Variants in PSD3 observed in about 807,000 individuals in gnomAD.
The protein encoded by PSD3 is PH and SEC7 domain-containing protein 3.
Under a neutral mutation model 105.5 loss-of-function variants are expected in PSD3, and 49 were observed. The ratio of observed to expected loss-of-function variants is 0.46; its 90% CI spans 0.37 to 0.59. The LOEUF (loss-of-function observed/expected upper bound fraction) is 0.59. PSD3 is among the 20% of genes least tolerant of loss of function. PSD3 has a pLI of 0.00. For missense variants in PSD3, 1,561 were observed against 1,263.8 expected (o/e 1.24, Z -3.57); for synonymous variants, 557 against 457.8 (o/e 1.22, Z -2.77).
At chr8:18,716,011 C>G (rs998267880) in intron 9 of PSD3, among the ~76,000 whole-genome samples, 10 of 152,108 alleles carry the variant, frequency 6.6e-5, no homozygotes, top group African/African-American at 2.4e-4. Flanking sequence ...GGTGCTTTAA[C>G]GAACAAAAGT....
At chr8:18,801,504 G>T in intron 6 of PSD3, 122 bp from the exon 7 acceptor site, 1 of 594,410 alleles carries the variant, frequency 1.7e-6, no homozygotes, top group Non-Finnish European at 2.9e-6. Context: ...ATATTATGAA[G>T]TTATCTCCCC....
intron 4 of PSD3, among the ~76,000 whole-genome samples, chr8:18,866,739 A>C (rs1563362235): frequency 6.6e-6 from 1 of 152,186 alleles, no homozygotes; most frequent in Non-Finnish European, 1.5e-5. Flanking sequence ...AGACTGCTCA[A>C]AAAGAGAGGT....
chr8:18,649,200 T>C (rs753278910), intron 10 of PSD3, among the ~76,000 whole-genome samples: 22 of 152,066 alleles, frequency 1.4e-4, no homozygotes, highest in Non-Finnish European at 2.5e-4. Context: ...GGAAAAGCCA[T>C]AGGCACTCAA....
intron 4 of PSD3, among the ~76,000 whole-genome samples, chr8:18,826,691 G>A (rs899757127): frequency 3.3e-5 from 5 of 152,312 alleles, no homozygotes; most frequent in South Asian, 2.1e-4. Flanking sequence ...TTTGGCAAAG[G>A]CCCTTTGGAA....
chr8:18,878,922 A>G (rs1817906744), intron 2 of PSD3, among the ~76,000 whole-genome samples: 1 of 152,162 alleles, frequency 6.6e-6, no homozygotes, highest in Non-Finnish European at 1.5e-5. Flanking sequence ...AAACTGCACC[A>G]AAACATATAA....
chr8:19,075,750 G>A (rs188022555), intron 1 of PSD3, among the ~76,000 whole-genome samples: 1 of 152,288 alleles, frequency 6.6e-6, no homozygotes, highest in East Asian at 1.9e-4. Context: ...TATACTGCCA[G>A]TGTTTCATGC....
intron 1 of PSD3, among the ~76,000 whole-genome samples, chr8:19,040,312 C>G (rs972286): frequency 0.11 from 16,706 of 152,114 alleles, 1,002 homozygotes; most frequent in African/African-American, 0.16. Context: ...AAGTGATCTC[C>G]CACCTCAGCC....
chr8:18,706,936 T>A (rs1319688321), intron 9 of PSD3, among the ~76,000 whole-genome samples: 2 of 152,198 alleles, frequency 1.3e-5, no homozygotes, highest in African/African-American at 4.8e-5. Context: ...TTAATTTTTA[T>A]AAGGGAATGA....
chr8:18,560,840 T>A (rs2130195436), intron 14 of PSD3, among the ~76,000 whole-genome samples: 1 of 152,336 alleles, frequency 6.6e-6, no homozygotes, highest in African/African-American at 2.4e-5. Flanking sequence ...CGAAACTTAA[T>A]CCTCATTGTG....
chr8:18,740,717 A>T (rs1804504562), intron 9 of PSD3, among the ~76,000 whole-genome samples: 1 of 152,216 alleles, frequency 6.6e-6, no homozygotes, highest in African/African-American at 2.4e-5. Flanking sequence ...AAATCCCAAA[A>T]GTCACATGGA....
Position 18,600,003 on chromosome 8 carries a change from T to C in PSD3, c.2481+361A>G, listed in dbSNP as rs111936664. 8.9e-3 allele frequency among the ~76,000 whole-genome samples: 1,351 copies of C among 152,230 alleles called. 19 individuals carry two copies. The highest frequency in any genetic ancestry group is 0.031 in the African/African-American group (1,307 of 41,542). On this transcript the variant is annotated intron_variant, in intron 12 of 15. Transcript: ENST00000327040. ...TGTTCTCTGGGGCTAGTAAGTAAAATAAGGGTCACTTGAACACAAACACTG... is the reference window on the plus strand; with the variant it reads ...TGTTCTCTGGGGCTAGTAAGTAAAACAAGGGTCACTTGAACACAAACACTG...
intron 1 of PSD3, among the ~76,000 whole-genome samples, chr8:18,978,016 C>T (rs11784567): frequency 0.011 from 1,696 of 152,304 alleles, 18 homozygotes; most frequent in Non-Finnish European, 0.016. Context: ...GATATCATGA[C>T]GCTAGCAAGG....
chr8:18,589,376 G>C (rs1352349300), intron 12 of PSD3, among the ~76,000 whole-genome samples: 1 of 152,148 alleles, frequency 6.6e-6, no homozygotes, highest in African/African-American at 2.4e-5. Context: ...CATTTACTTT[G>C]TGATCTTTGG....
At chr8:19,063,764 C>T (rs1471954658) in intron 1 of PSD3, among the ~76,000 whole-genome samples, 3 of 152,024 alleles carry the variant, frequency 2.0e-5, no homozygotes, top group African/African-American at 7.2e-5. Flanking sequence ...AAAGGGATTC[C>T]TTAGTCTTAA....
chr8:18,942,605 T>C (rs1226722916), intron 1 of PSD3, among the ~76,000 whole-genome samples: 4 of 152,160 alleles, frequency 2.6e-5, no homozygotes, highest in Admixed American at 6.5e-5. Flanking sequence ...GTGTCCTAAC[T>C]TAACATGACT....
chr8:19,054,557 A>C (rs1353064676), intron 1 of PSD3, among the ~76,000 whole-genome samples: 1 of 152,048 alleles, frequency 6.6e-6, no homozygotes, highest in East Asian at 1.9e-4. Flanking sequence ...TACCATCTCC[A>C]TTTTCTTCCC....
intron 9 of PSD3, among the ~76,000 whole-genome samples, chr8:18,667,825 C>A (rs1024789400): frequency 6.6e-6 from 1 of 152,212 alleles, no homozygotes; most frequent in African/African-American, 2.4e-5. Flanking sequence ...CGAGCCCTGC[C>A]CCGCAGGGAG....
intron 15 of PSD3, among the ~76,000 whole-genome samples, chr8:18,546,464 A>C (rs1436916938): frequency 6.6e-6 from 1 of 152,198 alleles, no homozygotes; most frequent in African/African-American, 2.4e-5. Flanking sequence ...ACTATGAGAC[A>C]TGCCAAATGG....
intron 10 of PSD3, among the ~76,000 whole-genome samples, chr8:18,647,693 G>A (rs1029707850): frequency 2.3e-4 from 34 of 149,322 alleles, no homozygotes; most frequent in African/African-American, 7.9e-4. Flanking sequence ...GAGTGATTTG[G>A]TTTGGATCTG....
Sources: allele counts gnomAD v4.1 joint callset (sites outside exome capture counted in the v4.1 genomes callset), GRCh38; gene constraint gnomAD v4.1.1; transcripts MANE v1.5; gene names NCBI Gene and HGNC (gene_info 2026-07-23, HGNC 2026-07-21).